TIAM1: variants seen among roughly 807,000 people sequenced by gnomAD.
TIAM1 encodes the protein TIAM Rac1 associated GEF 1.
A neutral mutation model predicts 163.5 loss-of-function variants in TIAM1; 65 were observed. That is an observed-to-expected ratio of 0.40 (90% CI 0.33 to 0.49). The LOEUF (loss-of-function observed/expected upper bound fraction) is 0.49, where lower values mean the gene tolerates loss of function less well. Ranked by LOEUF, TIAM1 falls within the 20% of genes least tolerant of loss-of-function variation. TIAM1 has a pLI of 0.77. For missense variants in TIAM1, 1,789 were observed against 2,044.7 expected, an observed-to-expected ratio of 0.87 and a Z score of 2.41; for synonymous variants, 833 against 810.1, an observed-to-expected ratio of 1.03 and a Z score of -0.48.
At chr21:31,244,605 G>T (rs1241838695) in intron 6 of TIAM1, among the ~76,000 whole-genome samples, 4 of 152,160 alleles carry the variant, frequency 2.6e-5, no homozygotes, top group African/African-American at 9.7e-5. Context: ...GGTGCCTATA[G>T]TCCCAGCTAC....
At chr21:31,506,162 C>G (rs1458653135) in intron 1 of TIAM1, among the ~76,000 whole-genome samples, 1 of 151,852 alleles carries the variant, frequency 6.6e-6, no homozygotes, top group South Asian at 2.1e-4. Context: ...CTCCTCTTCA[C>G]AGCAGGAAAT....
intron 2 of TIAM1, among the ~76,000 whole-genome samples, chr21:31,317,602 A>C (rs964944635): frequency 8.5e-5 from 13 of 152,332 alleles, no homozygotes; most frequent in Admixed American, 2.0e-4. Flanking sequence ...CAACACAGTG[A>C]AACCCAGTCT....
chr21:31,513,625 C>T (rs1177015435), intron 1 of TIAM1, among the ~76,000 whole-genome samples: 2 of 152,194 alleles, frequency 1.3e-5, no homozygotes, highest in Non-Finnish European at 2.9e-5. Context: ...AAAGAGCTAA[C>T]TTCTGGATCT....
intron 16 of TIAM1, 45 bp from the exon 17 acceptor site, chr21:31,154,471 C>G: frequency 6.3e-7 from 1 of 1,584,566 alleles, no homozygotes; most frequent in Non-Finnish European, 8.6e-7. Flanking sequence ...CATTATCCCT[C>G]ATTAGACGCA....
At chr21:31,377,681 G>T (rs1232838590) in intron 2 of TIAM1, among the ~76,000 whole-genome samples, 1 of 152,110 alleles carries the variant, frequency 6.6e-6, no homozygotes, top group Admixed American at 6.5e-5. Flanking sequence ...TATCTAGCAG[G>T]TTTCTGTCTG....
In TIAM1 at chr21:31,480,794, C is replaced by T. The variant is rs151286804; in HGVS notation, c.-421-16759G>A. Among the ~76,000 whole-genome samples, 346 of 152,324 alleles carry T rather than the reference C, an allele frequency of 2.3e-3. 1 individual carries two copies. Among genetic ancestry groups the T allele is most frequent in the African/African-American group, 7.6e-3 (315 of 41,566 alleles). ...GAGACAGAATAGTCTCACTCTGTTG[C>T]CCAGGCTGGAGTGCACTGGCACAAT... On this transcript the variant is annotated intron_variant, in intron 1 of 28. Coordinates refer to the TIAM1 transcript ENST00000286827.
intron 2 of TIAM1, among the ~76,000 whole-genome samples, chr21:31,331,914 C>G (rs531865563): frequency 1.3e-5 from 2 of 152,282 alleles, no homozygotes; most frequent in Middle Eastern, 6.8e-3. Flanking sequence ...ACATTCAGAT[C>G]AGCTTTTTGC....
rs569167078 is a variant in TIAM1, at chr21:31,210,027, C to T, written c.2388+18G>A. On this transcript the variant is annotated intron_variant, in intron 11 of 27. Coordinates refer to ENST00000541036, the MANE Select transcript of TIAM1 (RefSeq NM_001353694.2). ...CATTCTGCTCTTCTTGGAGAAACAA[C>T]CCAAAGCAGCTCCATACCTTGCAAA... 3.1e-6 allele frequency: 5 copies of T among 1,607,706 alleles called. 1 individual carries two copies. The South Asian group carries it at 5.6e-5, about 18-fold the overall frequency.
At chr21:31,329,891 A>G (rs1438801848) in intron 2 of TIAM1, among the ~76,000 whole-genome samples, 1 of 152,186 alleles carries the variant, frequency 6.6e-6, no homozygotes. Flanking sequence ...CATTTTATAG[A>G]GCAGTTTAAG....
At chr21:31,301,914 C>T (rs927015210) in intron 2 of TIAM1, among the ~76,000 whole-genome samples, 10 of 147,984 alleles carry the variant, frequency 6.8e-5, no homozygotes, top group East Asian at 5.9e-4. Flanking sequence ...TGTATATATA[C>T]GTGTAATAAA....
chr21:31,398,595 G>A (rs1217481703), intron 2 of TIAM1, among the ~76,000 whole-genome samples: 3 of 152,230 alleles, frequency 2.0e-5, no homozygotes, highest in Non-Finnish European at 2.9e-5. Flanking sequence ...ACTGTAGGCA[G>A]AAGTTTGCCA....
At chr21:31,241,854 T>A (rs1234038865) in intron 6 of TIAM1, among the ~76,000 whole-genome samples, 4 of 151,774 alleles carry the variant, frequency 2.6e-5, no homozygotes, top group Admixed American at 6.6e-5. Flanking sequence ...AAAATATTTT[T>A]AAAAAATCAG....
intron 2 of TIAM1, among the ~76,000 whole-genome samples, chr21:31,374,354 G>C (rs1292973865): frequency 3.9e-5 from 6 of 152,142 alleles, no homozygotes; most frequent in Non-Finnish European, 8.8e-5. Context: ...CTGTAGCTTT[G>C]ACAATTTCTT....
At chr21:31,368,158 G>A (rs1569270768) in intron 2 of TIAM1, among the ~76,000 whole-genome samples, 1 of 152,228 alleles carries the variant, frequency 6.6e-6, no homozygotes, top group Middle Eastern at 3.4e-3. Flanking sequence ...CCTAACAAAA[G>A]ATGTCTACCA....
At chr21:31,437,936 A>G (rs1440844773) in intron 2 of TIAM1, among the ~76,000 whole-genome samples, 2 of 152,170 alleles carry the variant, frequency 1.3e-5, no homozygotes, top group African/African-American at 4.8e-5. Context: ...AACTTACTTA[A>G]CCATTTCTTT....
At chr21:31,543,310 C>CGCTCTTGG (rs1263561496) in intron 1 of TIAM1, among the ~76,000 whole-genome samples, 4 of 152,226 alleles carry the variant, frequency 2.6e-5, no homozygotes, top group Non-Finnish European at 4.4e-5. Context: ...TCCAAGCTCG[C>CGCTCTTGG]GCTCTTGGCA....
intron 11 of TIAM1, 28 bp from the exon 12 acceptor site, chr21:31,203,040 A>C: frequency 1.3e-6 from 2 of 1,566,716 alleles, no homozygotes; most frequent in Admixed American, 1.7e-5. Flanking sequence ...GAAAGAAAGA[A>C]AATGTCTGTT....
intron 1 of TIAM1, among the ~76,000 whole-genome samples, chr21:31,520,844 G>C (rs1046511869): frequency 1.3e-5 from 2 of 152,210 alleles, no homozygotes; most frequent in African/African-American, 2.4e-5. Flanking sequence ...GACATGCTTC[G>C]CCCTCCAATT....
intron 2 of TIAM1, among the ~76,000 whole-genome samples, chr21:31,431,211 C>T (rs140493352): frequency 9.8e-4 from 149 of 152,236 alleles, no homozygotes; most frequent in African/African-American, 3.4e-3. Context: ...AATTCTGCAC[C>T]GCCTTCAACT....
Sources: gnomAD v4.1 joint callset for allele counts (sites outside exome capture counted in the v4.1 genomes callset) on GRCh38, gnomAD v4.1.1 for gene constraint, MANE v1.5 for transcripts, NCBI Gene and HGNC (gene_info 2026-07-23, HGNC 2026-07-21) for gene names.